The following ERFL variants were observed in gnomAD, a reference collection of about 807,000 sequenced individuals.
The protein encoded by ERFL is ETS repressor factor like.
Under a neutral mutation model 27.9 loss-of-function variants are expected in ERFL, and 8 were observed. That is an observed-to-expected ratio of 0.29 (90% confidence interval 0.17 to 0.52). The LOEUF (loss-of-function observed/expected upper bound fraction) is 0.52. Ranked by LOEUF, ERFL falls within the 20% of genes least tolerant of loss-of-function variation. The pLI is 0.97. For synonymous variants in ERFL, 174 were observed against 202.8 expected (o/e 0.86, Z 1.21); for missense variants, 294 against 444.4 (o/e 0.66, Z 3.04).
At chr19:41,923,483 G>GACAAAA (rs2074853183) in intron 1 of ERFL, among the ~76,000 whole-genome samples, 1 of 150,744 alleles carries the variant, frequency 6.6e-6, no homozygotes. Flanking sequence ...AAGACAGGGT[G>GACAAAA]AGACAGAGGA....
At chr19:41,915,461 G>A (rs551237134) in intron 1 of ERFL, among the ~76,000 whole-genome samples, 46 of 151,500 alleles carry the variant, frequency 3.0e-4, no homozygotes, top group African/African-American at 9.5e-4. Context: ...TGGTTCCCAC[G>A]TCGTCTCCAC....
In ERFL at chr19:41,921,310, C is replaced by T. The variant is rs967006921; in HGVS notation, c.-14+6730G>A. Among the ~76,000 whole-genome samples, 14 of 151,900 alleles carry T rather than the reference C, an allele frequency of 9.2e-5. No homozygotes were observed. Among genetic ancestry groups the T allele is most frequent in the South Asian group, 2.1e-4 (1 of 4,798 alleles). ...AGGAAGAGAGACCGAGGGGGTGGAG[C>T]GTGATACATGGAGAACTGAGAGGAA... On this transcript the variant is annotated intron_variant, in intron 1 of 5. Transcript: ENST00000597630. The surrounding 1 kb of genome is among the most constrained non-coding windows in gnomAD (Gnocchi z 4.4).
chr19:41,913,103 CCCCAGCCGTT>C (rs1223422181), intron 1 of ERFL, among the ~76,000 whole-genome samples, 171 bp from the exon 2 acceptor site: 1 of 151,974 alleles, frequency 6.6e-6, no homozygotes, highest in Non-Finnish European at 1.5e-5. Flanking sequence ...ACCGCTCTGT[CCCCAGCCGTT>C]CCCGGCCCCG....
In ERFL at chr19:41,926,101, C is replaced by G. The variant is rs138528071; in HGVS notation, c.-14+1939G>C. Among the ~76,000 whole-genome samples the G allele has an allele frequency of 2.6e-5, 4 of 151,730 alleles. No homozygotes were observed. In the South Asian group the frequency reaches 6.3e-4, roughly 24 times the overall value. On this transcript the variant is annotated intron_variant, in intron 1 of 5. Coordinates refer to ENST00000597630, the MANE Select transcript of ERFL (RefSeq NM_001365103.2). Reference sequence around the variant, plus strand: ...TTTAGGGGACAGGTGGGATGGCTCACGTACAGGTAGGAAGGGGCCAGTGTG... The same window carrying G: ...TTTAGGGGACAGGTGGGATGGCTCAGGTACAGGTAGGAAGGGGCCAGTGTG...
At chr19:41,919,977 C>CCACAGACGTGACACA in intron 1 of ERFL, among the ~76,000 whole-genome samples, 1 of 127,526 alleles carries the variant, frequency 7.8e-6, no homozygotes, top group African/African-American at 3.0e-5. Context: ...CATGACACGC[C>CCACAGACGTGACACA]CACAGACGTG....
chr19:41,910,568 C>T lies in ERFL; in HGVS notation c.68-471G>A, dbSNP rs758901434. ...GTCCCCTGCTCCACCTTTCGACATT[C>T]CCCAGAGCCCCCCACTGACCCATCC... is the stretch of plus-strand genomic sequence containing the variant. On this transcript the variant is annotated intron_variant, in intron 2 of 5. Transcript: ENST00000597630. This position sits in a 1 kb window ranked among gnomAD's most constrained non-coding sequence, Gnocchi z 4.4. Among the ~76,000 whole-genome samples, 1 of 152,152 alleles carries T rather than the reference C, an allele frequency of 6.6e-6. No individual in the cohort carries two copies. The highest frequency in any genetic ancestry group is 6.5e-5 in the Admixed American group (1 of 15,278).
intron 1 of ERFL, among the ~76,000 whole-genome samples, chr19:41,914,070 G>A (rs2074771191): frequency 4.7e-3 from 1 of 212 alleles, no homozygotes; most frequent in Admixed American, 0.05. Context: ...TCCCCCGTGA[G>A]CCCCGCCTAC....
chr19:41,917,598 C>A lies in ERFL; in HGVS notation c.-13-4666G>T, dbSNP rs1235028004. On this transcript the variant is annotated intron_variant, in intron 1 of 5. Transcript: ENST00000597630. This position sits in a 1 kb window ranked among gnomAD's most constrained non-coding sequence, Gnocchi z 4.8. ...AGAGGAGAGAGACGCGGCCTAAGACCCTTCTGCCACCGCCGCCCCCGCATG... is the reference window on the plus strand; with the variant it reads ...AGAGGAGAGAGACGCGGCCTAAGACACTTCTGCCACCGCCGCCCCCGCATG... 6.6e-6 allele frequency among the ~76,000 whole-genome samples: 1 copy of A among 151,862 alleles called. No homozygotes were observed. Among genetic ancestry groups the A allele is most frequent in the Non-Finnish European group, 1.5e-5 (1 of 67,968 alleles).
intron 1 of ERFL, among the ~76,000 whole-genome samples, chr19:41,925,898 G>C (rs2074868212): frequency 6.6e-6 from 1 of 152,032 alleles, no homozygotes; most frequent in African/African-American, 2.4e-5. Context: ...AGGAGGCTGG[G>C]GACTGGTGGG....
rs2074733302 is a variant in ERFL, at chr19:41,908,626, C to T, written c.667G>A (p.Ala223Thr). 4.1e-6 allele frequency: 5 copies of T among 1,231,574 alleles called. No homozygotes were observed. The highest frequency in any genetic ancestry group is 1.6e-5 in the African/African-American group (1 of 64,394). 76.3% of individuals were successfully genotyped at this position (1,231,574 alleles called of 1,614,324 possible). A position where few individuals can be genotyped will look rare whatever the true frequency, so the allele number is the denominator to read the frequency against. ...AAGTTCCAGGGGTACTCAGGGAAGGCGCGGCCATAAGGACCCAGCAGGCCA... is the reference window on the plus strand; with the variant it reads ...AAGTTCCAGGGGTACTCAGGGAAGGTGCGGCCATAAGGACCCAGCAGGCCA... The part of the protein sequence containing the change: ...PPGLLGPYGR[A>T]FPEYPWNFNP... The change falls in exon 6 of 6, where the codon GCC becomes ACC. Residue 223 changes from alanine (A) to threonine (T), a missense_variant. This residue lies in a region of ERFL where 246 missense variants were observed against 371.4 expected (regional missense o/e 0.66). Transcript: ENST00000597630. This position sits in a 1 kb window ranked among gnomAD's most constrained non-coding sequence, Gnocchi z 6.7.
At chr19:41,915,326 C>G (rs985530694) in intron 1 of ERFL, among the ~76,000 whole-genome samples, 3 of 151,612 alleles carry the variant, frequency 2.0e-5, no homozygotes, top group Non-Finnish European at 4.4e-5. Flanking sequence ...CTGTGCCCAG[C>G]CTTCGTCCTG....
rs1171618326 is a variant in ERFL, at chr19:41,928,323, T to C, written c.-297A>G. The stretch of plus-strand genomic sequence containing the variant: ...GCAGAGAGGGAGAGAGACAGCGAGA[T>C]AGACGCGCAAAGAGAGCAGAGACGG... On this transcript the variant is annotated 5_prime_UTR_variant, in exon 1 of 6. Transcript: ENST00000597630. 2 of 151,816 alleles carry C rather than the reference T, an allele frequency of 1.3e-5. No homozygotes were observed. Among genetic ancestry groups the C allele is most frequent in the African/African-American group, 2.4e-5 (1 of 41,196 alleles). The allele number at this position is 151,816 out of a possible 1,614,324, so 9.4% of individuals were successfully genotyped here. A position where few individuals can be genotyped will look rare whatever the true frequency, so the allele number is the denominator to read the frequency against.
At position 41,914,589 on chromosome 19, in the gene ERFL, T is replaced by C. The variant is rs1422245859; in HGVS notation, c.-13-1657A>G. Among the ~76,000 whole-genome samples the C allele has an allele frequency of 8.6e-3, 299 of 34,910 alleles. 10 individuals carry two copies. Among genetic ancestry groups the C allele is most frequent in the African/African-American group, 0.021 (143 of 6,880 alleles). 22.9% of individuals were successfully genotyped at this position (34,910 alleles called of 152,430 possible). On this transcript the variant is annotated intron_variant, in intron 1 of 5. Coordinates refer to ENST00000597630, the MANE Select transcript of ERFL (RefSeq NM_001365103.2). ...TCTCTGTCTCCGTCTCTCCCTCCCTTTCCACCATCTCTGTCTCTCCCTCCC... is the reference window on the plus strand; with the variant it reads ...TCTCTGTCTCCGTCTCTCCCTCCCTCTCCACCATCTCTGTCTCTCCCTCCC...
intron 1 of ERFL, among the ~76,000 whole-genome samples, chr19:41,923,384 C>A (rs1034734792): frequency 2.0e-5 from 3 of 151,624 alleles, no homozygotes; most frequent in Non-Finnish European, 4.4e-5. Context: ...CTGTAAAGAC[C>A]CTGTATGGAG....
chr19:41,913,518 G>C (rs2074767180), intron 1 of ERFL, among the ~76,000 whole-genome samples: 1 of 151,614 alleles, frequency 6.6e-6, no homozygotes, highest in African/African-American at 2.4e-5. Context: ...GCTGCAGGGG[G>C]GCAGGCCCAG....
intron 1 of ERFL, among the ~76,000 whole-genome samples, chr19:41,915,164 G>A (rs1486327185): frequency 3.3e-5 from 3 of 90,304 alleles, no homozygotes; most frequent in Non-Finnish European, 6.0e-5. Context: ...TCTCATTTCC[G>A]TGTTGGTTTT....
chr19:41,911,584 G>A (rs536151503), intron 2 of ERFL, among the ~76,000 whole-genome samples: 7 of 152,278 alleles, frequency 4.6e-5, no homozygotes, highest in Non-Finnish European at 1.0e-4. Context: ...AGGCCGGGGA[G>A]CTCCAGGCAG....
intron 1 of ERFL, among the ~76,000 whole-genome samples, chr19:41,920,101 TACACTCACAGACATGAC>T (rs2074830947): frequency 1.9e-5 from 2 of 106,554 alleles, no homozygotes; most frequent in African/African-American, 7.7e-5. Context: ...CTCACAGACA[TACACTCACAGACATGAC>T]ACGCTCACAC....
At chr19:41,913,379 GTC>G (rs1217352410) in intron 1 of ERFL, among the ~76,000 whole-genome samples, 4 of 151,274 alleles carry the variant, frequency 2.6e-5, no homozygotes, top group Non-Finnish European at 4.4e-5. Context: ...GTCTCCCTCT[GTC>G]TCTCTCTCTG....
Sources: gnomAD v4.1 joint callset for allele counts (sites outside exome capture counted in the v4.1 genomes callset) on GRCh38, gnomAD v4.1.1 for gene constraint, gnomAD v4.1.1 regional missense constraint, Gnocchi (gnomAD v3.1) non-coding constraint, MANE v1.5 for transcripts, NCBI Gene and HGNC (gene_info 2026-07-23, HGNC 2026-07-21) for gene names.